Variants in SCG3 observed in about 807,000 individuals in gnomAD.
The protein encoded by SCG3 is secretogranin-3.
SCG3 carries 38 observed loss-of-function variants against 56.2 expected under a neutral mutation model. The observed-to-expected ratio is 0.68, with a 90% CI of 0.52 to 0.89. SCG3 has a LOEUF of 0.89. SCG3 is among the 40% of genes least tolerant of loss of function. The probability of loss-of-function intolerance (pLI) is 0.00; values close to 1 mark genes in which losing one functional copy is unlikely to be tolerated. For synonymous variants in SCG3, 176 were observed against 184.2 expected (o/e 0.96, Z 0.36); for missense variants, 524 against 540.7 (o/e 0.97, Z 0.31).
intron 6 of SCG3, among the ~76,000 whole-genome samples, chr15:51,690,906 A>G (rs1337630648): frequency 6.6e-6 from 1 of 152,248 alleles, no homozygotes; most frequent in East Asian, 1.9e-4. Context: ...GCCTATTTAA[A>G]AAGACATAAT....
At chr15:51,718,453 G>C (rs2055473660) in intron 11 of SCG3, among the ~76,000 whole-genome samples, 1 of 152,112 alleles carries the variant, frequency 6.6e-6, no homozygotes, top group Non-Finnish European at 1.5e-5. Flanking sequence ...TTTCTCATAA[G>C]AGCTTAAGGA....
intron 10 of SCG3, among the ~76,000 whole-genome samples, chr15:51,708,982 G>A (rs1394706324): frequency 6.6e-6 from 1 of 152,096 alleles, no homozygotes; most frequent in Non-Finnish European, 1.5e-5. Context: ...ATTTATTTTG[G>A]TTCAAAACCA....
chr15:51,686,271 T>C (rs1353463664), intron 4 of SCG3, among the ~76,000 whole-genome samples: 1 of 152,134 alleles, frequency 6.6e-6, no homozygotes, highest in Non-Finnish European at 1.5e-5. Flanking sequence ...TGAGGAGCAA[T>C]GGTCACACGT....
intron 10 of SCG3, among the ~76,000 whole-genome samples, chr15:51,709,693 A>G (rs1249985977): frequency 6.4e-5 from 1 of 15,690 alleles, no homozygotes; most frequent in Non-Finnish European, 1.3e-4. Flanking sequence ...ATATATATAT[A>G]TATATATATT....
At position 51,719,403 on chromosome 15, in the gene SCG3, T is replaced by C. The variant is rs2055481077; in HGVS notation, c.1289-5T>C. 4 of 1,601,354 alleles carry C rather than the reference T, an allele frequency of 2.5e-6. No homozygotes were observed. The highest frequency in any genetic ancestry group is 3.4e-6 in the Non-Finnish European group (4 of 1,169,184). ...TGCTCATTATGCTCTAATAATATTT[T>C]CCAGATTATGACCTTTCAAAGATGA... On this transcript the variant is annotated splice_polypyrimidine_tract_variant and splice_region_variant and intron_variant, in intron 11 of 11. Transcript: ENST00000220478.
At chr15:51,696,543 C>T (rs9672480) in intron 8 of SCG3, among the ~76,000 whole-genome samples, 1,847 of 152,114 alleles carry the variant, frequency 0.012, 26 homozygotes, top group East Asian at 0.026. Flanking sequence ...AAAGCAAGAC[C>T]CTGTCTCAGA....
Position 51,689,223 on chromosome 15 carries a change from C to T in SCG3, c.545C>T (p.Thr182Ile). ...TGTTTTGCCTTTTTATGATAGATCACAGAAAGCCAAGCACATACACTGGAA... is the reference window on the plus strand; with the variant it reads ...TGTTTTGCCTTTTTATGATAGATCATAGAAAGCCAAGCACATACACTGGAA... ...VSKLLNLGLI[T>I]ESQAHTLEDE... Residue 182 changes from threonine to isoleucine, a missense_variant, in exon 6 of 12, where the codon ACA (threonine) becomes ATA (isoleucine). By Grantham distance (89) the Thr-to-Ile change is moderately conservative. Coordinates refer to ENST00000220478, the MANE Select transcript of SCG3 (RefSeq NM_013243.4). The T allele has an allele frequency of 6.2e-7, 1 of 1,613,300 alleles. No individual in the cohort carries two copies. Among genetic ancestry groups the T allele is most frequent in the Non-Finnish European group, 8.5e-7 (1 of 1,179,594 alleles).
chr15:51,709,151 TC>T (rs1392004132), intron 10 of SCG3, among the ~76,000 whole-genome samples: 2 of 152,084 alleles, frequency 1.3e-5, no homozygotes, highest in African/African-American at 4.8e-5. Context: ...AACAAACAAG[TC>T]CTCCTTCACA....
chr15:51,711,875 G>A (rs1419038831), intron 10 of SCG3, among the ~76,000 whole-genome samples: 1 of 152,126 alleles, frequency 6.6e-6, no homozygotes, highest in Non-Finnish European at 1.5e-5. Context: ...GGGACCAGAT[G>A]ACACAGATCT....
intron 10 of SCG3, among the ~76,000 whole-genome samples, chr15:51,703,831 T>C (rs781605906): frequency 1.2e-4 from 19 of 152,188 alleles, no homozygotes; most frequent in Non-Finnish European, 2.1e-4. Flanking sequence ...ATCTTATACA[T>C]TTTTATATTT....
intron 6 of SCG3, among the ~76,000 whole-genome samples, chr15:51,691,344 G>T (rs2055265917): frequency 6.6e-6 from 1 of 152,210 alleles, no homozygotes. Flanking sequence ...AGAATTTTAA[G>T]CAAAGGAGTT....
At chr15:51,692,101 T>C (rs1192844107) in intron 6 of SCG3, 58 bp from the exon 7 acceptor site, 1 of 1,483,714 alleles carries the variant, frequency 6.7e-7, no homozygotes, top group Non-Finnish European at 9.1e-7. Context: ...GGAATCAAGC[T>C]GGAGTTTCAC....
chr15:51,705,543 A>G (rs2055370012), intron 10 of SCG3, among the ~76,000 whole-genome samples: 1 of 149,776 alleles, frequency 6.7e-6, no homozygotes, highest in Non-Finnish European at 1.5e-5. Context: ...TTTTCCCGAG[A>G]CAGAGTCTCT....
Position 51,719,670 on chromosome 15 carries a change from G to A in SCG3, c.*144G>A. 1 of 582,538 alleles carries A rather than the reference G, an allele frequency of 1.7e-6. No individual in the cohort carries two copies. The allele number at this position is 582,538 out of a possible 1,614,324, so 36.1% of individuals were successfully genotyped here. ...TACAGTAGTTAACCTTTTACAAGTG[G>A]TTAAAACATAGCTTTCTTCCCGTAA... On this transcript the variant is annotated 3_prime_UTR_variant, in exon 12 of 12. Transcript: ENST00000220478.
In SCG3 at chr15:51,704,764, CAT is replaced by C. The variant is rs56192434; in HGVS notation, c.1207+3550_1207+3551del. On this transcript the variant is annotated intron_variant, in intron 10 of 11. Coordinates refer to ENST00000220478, the MANE Select transcript of SCG3 (RefSeq NM_013243.4). ...TACCTTTTGGCTGTTGTGAGTAATA[CAT>C]ATATATATATATATATATATATATA... 6.6e-3 allele frequency among the ~76,000 whole-genome samples: 443 copies of C among 67,028 alleles called. 24 individuals carry two copies. Among genetic ancestry groups the C allele is most frequent in the African/African-American group, 0.015 (361 of 23,360 alleles). 44.0% of individuals were successfully genotyped at this position (67,028 alleles called of 152,430 possible). A position where few individuals can be genotyped will look rare whatever the true frequency, so the allele number is the denominator to read the frequency against.
chr15:51,714,332 T>C (rs967078645), intron 11 of SCG3, among the ~76,000 whole-genome samples: 1 of 151,916 alleles, frequency 6.6e-6, no homozygotes, highest in African/African-American at 2.4e-5. Flanking sequence ...TGACTACAGA[T>C]TGAAAAAATA....
chr15:51,718,400 C>A (rs2055473385), intron 11 of SCG3, among the ~76,000 whole-genome samples: 1 of 152,166 alleles, frequency 6.6e-6, no homozygotes, highest in African/African-American at 2.4e-5. Context: ...CTAAGCCTCA[C>A]TCACTTAGTG....
intron 10 of SCG3, among the ~76,000 whole-genome samples, chr15:51,710,058 G>A (rs1276385073): frequency 1.3e-5 from 2 of 151,534 alleles, no homozygotes; most frequent in Non-Finnish European, 2.9e-5. Flanking sequence ...TTTTTAAGAT[G>A]TAGTTTCCTA....
chr15:51,704,354 C>G (rs1371155983), intron 10 of SCG3, among the ~76,000 whole-genome samples: 1 of 144,986 alleles, frequency 6.9e-6, no homozygotes, highest in Admixed American at 7.1e-5. Flanking sequence ...TTTAACTGTA[C>G]AGTTTTGAGG....
Sources: allele counts gnomAD v4.1 joint callset (sites outside exome capture counted in the v4.1 genomes callset), GRCh38; gene constraint gnomAD v4.1.1; transcripts MANE v1.5; gene names NCBI Gene and HGNC (gene_info 2026-07-23, HGNC 2026-07-21).